ADK: variants seen among roughly 807,000 people sequenced by gnomAD.
The protein encoded by ADK is adenosine kinase.
ADK carries 24 observed loss-of-function variants against 44.7 expected under a neutral mutation model. That is an observed-to-expected ratio of 0.54 (90% CI 0.39 to 0.76). ADK has a LOEUF of 0.76. ADK is among the 30% of genes least tolerant of loss of function. The pLI, the probability that ADK is intolerant of heterozygous loss-of-function variation, is 0.00. For missense variants in ADK, 321 were observed against 425.1 expected (o/e 0.76, Z 2.15); for synonymous variants, 128 against 142.6 (o/e 0.90, Z 0.73).
chr10:74,194,721 G>C (rs558200543), intron 1 of ADK, among the ~76,000 whole-genome samples: 1 of 152,148 alleles, frequency 6.6e-6, no homozygotes, highest in Non-Finnish European at 1.5e-5. Flanking sequence ...TACAGGAAGC[G>C]TTTGATAAAA....
intron 9 of ADK, among the ~76,000 whole-genome samples, chr10:74,622,948 G>A (rs367730414): frequency 1.8e-4 from 27 of 151,852 alleles, no homozygotes; most frequent in Admixed American, 7.9e-4. Context: ...CGGAGGTTGC[G>A]GTGAGCCGAG....
chr10:74,169,553 T>C (rs1842110837), intron 1 of ADK, among the ~76,000 whole-genome samples: 1 of 152,220 alleles, frequency 6.6e-6, no homozygotes, highest in Non-Finnish European at 1.5e-5. Context: ...TCAAATGTTA[T>C]TGTACTCTTC....
At chr10:74,601,789 A>G (rs1296062047) in intron 9 of ADK, among the ~76,000 whole-genome samples, 1 of 151,774 alleles carries the variant, frequency 6.6e-6, no homozygotes, top group East Asian at 1.9e-4. Flanking sequence ...AAATTCTAGG[A>G]AGGATTAAAA....
At chr10:74,453,350 T>C (rs1845840428) in intron 6 of ADK, among the ~76,000 whole-genome samples, 1 of 152,080 alleles carries the variant, frequency 6.6e-6, no homozygotes, top group Non-Finnish European at 1.5e-5. Context: ...TTGATCTTTT[T>C]CCCACCATGC....
intron 3 of ADK, among the ~76,000 whole-genome samples, chr10:74,267,755 TG>T (rs1403784426): frequency 3.6e-3 from 97 of 26,998 alleles, no homozygotes; most frequent in Middle Eastern, 0.062. Flanking sequence ...TATCCTTATT[TG>T]TGTGTGTGTG....
intron 3 of ADK, among the ~76,000 whole-genome samples, chr10:74,246,909 A>G (rs959811104): frequency 2.0e-5 from 3 of 152,146 alleles, no homozygotes; most frequent in African/African-American, 7.2e-5. Flanking sequence ...TTTTCATAAA[A>G]TGTTACATTA....
chr10:74,602,137 G>A (rs1007558249), intron 9 of ADK, among the ~76,000 whole-genome samples: 5 of 148,558 alleles, frequency 3.4e-5, no homozygotes, highest in African/African-American at 7.5e-5. Context: ...AAAGAACGGA[G>A]GGCAATGGAG....
At chr10:74,492,992 T>A (rs1847542055) in intron 6 of ADK, among the ~76,000 whole-genome samples, 1 of 152,210 alleles carries the variant, frequency 6.6e-6, no homozygotes, top group African/African-American at 2.4e-5. Context: ...ACATCCATTC[T>A]TCCTAGAGAC....
chr10:74,399,838 G>C (rs1843648753), intron 6 of ADK, among the ~76,000 whole-genome samples: 1 of 152,000 alleles, frequency 6.6e-6, no homozygotes, highest in African/African-American at 2.4e-5. Flanking sequence ...AGTGTATTCT[G>C]ATGAAAAAGT....
intron 7 of ADK, among the ~76,000 whole-genome samples, chr10:74,560,258 G>A (rs867648762): frequency 6.6e-6 from 1 of 152,060 alleles, no homozygotes; most frequent in African/African-American, 2.4e-5. Flanking sequence ...TTTGTATATG[G>A]AACTTTTTCT....
chr10:74,356,002 A>ATATTGTTTTTTTTTTTTTGTT (rs57958159), intron 4 of ADK, among the ~76,000 whole-genome samples: 1 of 83,310 alleles, frequency 1.2e-5, no homozygotes, highest in Non-Finnish European at 2.2e-5. Flanking sequence ...TAAATAATTC[A>ATATTGTTTTTTTTTTTTTGTT]TTTTTTTTTT....
At chr10:74,701,382 A>G (rs1447774331) in intron 10 of ADK, among the ~76,000 whole-genome samples, 1 of 152,174 alleles carries the variant, frequency 6.6e-6, no homozygotes, top group Non-Finnish European at 1.5e-5. Flanking sequence ...ATGGTCTAGA[A>G]GCAAAGAGCA....
At chr10:74,365,712 A>G (rs983579375) in intron 4 of ADK, among the ~76,000 whole-genome samples, 3 of 152,142 alleles carry the variant, frequency 2.0e-5, no homozygotes, top group Non-Finnish European at 2.9e-5. Context: ...ATTTTGGGCA[A>G]ATACCTGGGA....
chr10:74,236,456 A>G (rs986276990), intron 3 of ADK, among the ~76,000 whole-genome samples: 13 of 152,208 alleles, frequency 8.5e-5, no homozygotes, highest in Non-Finnish European at 1.6e-4. Flanking sequence ...ATTCTGTTAT[A>G]ATACAGTTTA....
chr10:74,187,680 T>C (rs10824101), intron 1 of ADK, among the ~76,000 whole-genome samples: 19,844 of 152,208 alleles, frequency 0.13, 1,297 homozygotes, highest in Middle Eastern at 0.21. Context: ...AGTCTTTCCT[T>C]ACTCTCTGCT....
intron 4 of ADK, among the ~76,000 whole-genome samples, chr10:74,370,731 A>C (rs1360371249): frequency 2.0e-5 from 3 of 151,818 alleles, no homozygotes; most frequent in South Asian, 2.1e-4. Context: ...TTATTATATA[A>C]ATTTTCTTCT....
intron 10 of ADK, among the ~76,000 whole-genome samples, chr10:74,684,716 G>A (rs949933624): frequency 6.6e-6 from 1 of 152,136 alleles, no homozygotes; most frequent in African/African-American, 2.4e-5. Context: ...AGGCTGCAGT[G>A]AGCCGTGATC....
chr10:74,329,398 C>G (rs1841140836), intron 4 of ADK, among the ~76,000 whole-genome samples: 1 of 152,160 alleles, frequency 6.6e-6, no homozygotes, highest in Non-Finnish European at 1.5e-5. Flanking sequence ...AACTCTGTCT[C>G]ATTCTTTTCT....
In ADK at chr10:74,529,286, C is replaced by T. The variant is rs74942259; in HGVS notation, c.726+3860C>T. 327 of 152,064 alleles carry T rather than the reference C, an allele frequency of 2.2e-3. 1 individual carries two copies. Among genetic ancestry groups the T allele is most frequent in the African/African-American group, 7.3e-3 (303 of 41,478 alleles). 9.4% of individuals were successfully genotyped at this position (152,064 alleles called of 1,614,324 possible). ...TTATTGGATTTTCTAAGAAGAATTC[C>T]ACTTACAAGAAGTATCTAGAATAGG... On this transcript the variant is annotated intron_variant, in intron 7 of 10. Coordinates refer to ENST00000539909, the MANE Select transcript of ADK (RefSeq NM_006721.4).
Sources: gnomAD v4.1 joint callset for allele counts (sites outside exome capture counted in the v4.1 genomes callset) on GRCh38, gnomAD v4.1.1 for gene constraint, MANE v1.5 for transcripts, NCBI Gene and HGNC (gene_info 2026-07-23, HGNC 2026-07-21) for gene names.